IL1RAPL2: variants seen among roughly 807,000 people sequenced by gnomAD.
The protein encoded by IL1RAPL2 is interleukin 1 receptor accessory protein like 2, also known as X-linked interleukin-1 receptor accessory protein-like 2.
A neutral mutation model predicts 44.1 loss-of-function variants in IL1RAPL2; 3 were observed. That is an observed-to-expected ratio of 0.07 (90% CI 0.03 to 0.18). IL1RAPL2 has a LOEUF of 0.18. IL1RAPL2 is among the 10% of genes least tolerant of loss of function. The probability of loss-of-function intolerance (pLI) is 1.00; values close to 1 mark genes in which losing one functional copy is unlikely to be tolerated. For synonymous variants in IL1RAPL2, 181 were observed against 178.8 expected (o/e 1.01, Z -0.10); for missense variants, 391 against 496.4 (o/e 0.79, Z 2.02).
intron 2 of IL1RAPL2, among the ~76,000 whole-genome samples, chrX:105,023,794 T>G (rs2147747776): frequency 9.0e-6 from 1 of 111,530 alleles, no homozygotes; most frequent in Admixed American, 9.6e-5. Flanking sequence ...GAATAGACAT[T>G]TAATAAGAAA....
intron 2 of IL1RAPL2, among the ~76,000 whole-genome samples, chrX:104,954,525 C>A (rs1206340619): frequency 9.0e-6 from 1 of 111,412 alleles, no homozygotes; most frequent in African/African-American, 3.3e-5. Context: ...TTTCTTTTTC[C>A]TTTCTTTCTT....
intron 5 of IL1RAPL2, among the ~76,000 whole-genome samples, chrX:105,276,340 G>A (rs1603043944): frequency 1.8e-5 from 2 of 112,654 alleles, no homozygotes; most frequent in African/African-American, 6.5e-5. Context: ...CCTGGGAGTT[G>A]GAGGTTGTGG....
At chrX:105,577,012 T>C (rs958513691) in intron 6 of IL1RAPL2, among the ~76,000 whole-genome samples, 4 of 111,481 alleles carry the variant, frequency 3.6e-5, no homozygotes, top group African/African-American at 1.3e-4. Flanking sequence ...TATTCCCAAA[T>C]GTCAAGTGTT....
intron 6 of IL1RAPL2, among the ~76,000 whole-genome samples, chrX:105,526,818 T>C (rs1354859933): frequency 1.8e-5 from 2 of 111,749 alleles, no homozygotes; most frequent in African/African-American, 3.2e-5. Flanking sequence ...AAGTTGTCTT[T>C]GTATTGTCTG....
At chrX:105,221,358 TAAAAG>T (rs2033961251) in intron 3 of IL1RAPL2, among the ~76,000 whole-genome samples, 1 of 98,130 alleles carries the variant, frequency 1.0e-5, no homozygotes, top group Non-Finnish European at 2.1e-5. Flanking sequence ...TTTTCCCTGT[TAAAAG>T]AAAAACGTTA....
intron 6 of IL1RAPL2, among the ~76,000 whole-genome samples, chrX:105,665,068 AATAAGTATGCTACTG>A (rs765862273): frequency 8.9e-6 from 1 of 112,250 alleles, no homozygotes; most frequent in Non-Finnish European, 1.9e-5. Context: ...GTGCTAACTG[AATAAGTATGCTACTG>A]ATAAGGGACC....
chrX:105,188,561 A>G (rs186637565), intron 2 of IL1RAPL2, among the ~76,000 whole-genome samples: 12 of 111,647 alleles, frequency 1.1e-4, no homozygotes, highest in African/African-American at 3.6e-4. Context: ...CTATAATGAG[A>G]GGGAAATGAA....
chrX:105,510,742 G>A (rs2036463523), intron 6 of IL1RAPL2, among the ~76,000 whole-genome samples: 2 of 111,542 alleles, frequency 1.8e-5, no homozygotes, highest in Non-Finnish European at 3.8e-5. Flanking sequence ...GATGGTGGAA[G>A]GGGTCACTAG....
chrX:105,354,724 C>A (rs1008449663), intron 5 of IL1RAPL2, among the ~76,000 whole-genome samples: 3 of 111,442 alleles, frequency 2.7e-5, no homozygotes, highest in African/African-American at 9.8e-5. Context: ...TGCAGTTGTT[C>A]TTTACCCTAC....
intron 2 of IL1RAPL2, among the ~76,000 whole-genome samples, chrX:104,769,161 C>A (rs1270257496): frequency 9.0e-6 from 1 of 111,621 alleles, no homozygotes; most frequent in Non-Finnish European, 1.9e-5. Context: ...CCCCTTATCA[C>A]CTATCTCATT....
At chrX:104,814,915 T>C (rs1921095725) in intron 2 of IL1RAPL2, among the ~76,000 whole-genome samples, 1 of 111,621 alleles carries the variant, frequency 9.0e-6, no homozygotes, top group Non-Finnish European at 1.9e-5. Context: ...TATAGGAAAG[T>C]AGGAAGATGG....
Position 104,895,586 on chromosome X carries a change from G to T in IL1RAPL2, c.82+236591G>T, listed in dbSNP as rs113633043. On this transcript the variant is annotated intron_variant, in intron 2 of 10. Transcript: ENST00000372582. ...CGTGGGCATGGGACCCTCTGAGCCA[G>T]GCATGGGATATAATGTCCTTGTGTG... 7.4e-3 allele frequency among the ~76,000 whole-genome samples: 839 copies of T among 112,800 alleles called. 10 individuals carry two copies. The highest frequency in any genetic ancestry group is 0.037 in the Middle Eastern group (8 of 218).
chrX:105,381,330 A>G lies in IL1RAPL2; in HGVS notation c.698-102983A>G, dbSNP rs1053277407. Reference sequence around the variant, plus strand: ...ATTCCCCACTGTGCTACTTCATCAGACAGCTTCTTTCTGCCATTCTTCTCA... The same window carrying G: ...ATTCCCCACTGTGCTACTTCATCAGGCAGCTTCTTTCTGCCATTCTTCTCA... On this transcript the variant is annotated intron_variant, in intron 5 of 10. Coordinates refer to ENST00000372582, the MANE Select transcript of IL1RAPL2 (RefSeq NM_017416.2). Among the ~76,000 whole-genome samples, 22 of 111,678 alleles carry G rather than the reference A, an allele frequency of 2.0e-4. 1 individual carries two copies. The Admixed American group carries it at 2.1e-3, about 11-fold the overall frequency.
At chrX:104,613,181 T>C (rs2148005169) in intron 1 of IL1RAPL2, among the ~76,000 whole-genome samples, 1 of 111,621 alleles carries the variant, frequency 9.0e-6, no homozygotes, top group African/African-American at 3.3e-5. Context: ...TCTTGTCTGA[T>C]TGATATGGCT....
At chrX:104,858,812 G>A (rs1922429662) in intron 2 of IL1RAPL2, among the ~76,000 whole-genome samples, 1 of 111,833 alleles carries the variant, frequency 8.9e-6, no homozygotes, top group African/African-American at 3.2e-5. Context: ...CAGAAGTCAA[G>A]TTTTTCCCCA....
intron 2 of IL1RAPL2, among the ~76,000 whole-genome samples, chrX:104,817,102 A>G (rs1445678488): frequency 8.9e-6 from 1 of 112,798 alleles, no homozygotes; most frequent in East Asian, 2.8e-4. Flanking sequence ...AAAGTGTATG[A>G]TCTAATGAAT....
At chrX:104,899,198 T>G (rs1399492766) in intron 2 of IL1RAPL2, among the ~76,000 whole-genome samples, 1 of 112,066 alleles carries the variant, frequency 8.9e-6, no homozygotes, top group East Asian at 2.8e-4. Flanking sequence ...CCTTGAAGTA[T>G]GTAAAGCCCT....
chrX:104,685,532 A>G (rs1349623507), intron 2 of IL1RAPL2, among the ~76,000 whole-genome samples: 1 of 111,436 alleles, frequency 9.0e-6, no homozygotes, highest in Admixed American at 9.6e-5. Context: ...CACATTGCTG[A>G]ATCATCAGTA....
At chrX:105,274,668 CT>C (rs1173611480) in intron 5 of IL1RAPL2, among the ~76,000 whole-genome samples, 1 of 111,853 alleles carries the variant, frequency 8.9e-6, no homozygotes, top group Non-Finnish European at 1.9e-5. Flanking sequence ...TAGAATAGTG[CT>C]TCTCAAATTG....
Sources: gnomAD v4.1 joint callset for allele counts (sites outside exome capture counted in the v4.1 genomes callset) on GRCh38, gnomAD v4.1.1 for gene constraint, MANE v1.5 for transcripts, NCBI Gene and HGNC (gene_info 2026-07-23, HGNC 2026-07-21) for gene names.